The following ARHGEF40 variants were observed in gnomAD, a reference collection of about 807,000 sequenced individuals.
ARHGEF40 encodes the protein Rho guanine nucleotide exchange factor (GEF) 40.
A neutral mutation model predicts 165.9 loss-of-function variants in ARHGEF40; 98 were observed. The observed-to-expected ratio is 0.59, with a 90% confidence interval of 0.50 to 0.70. ARHGEF40 has a LOEUF of 0.70. ARHGEF40 is among the 30% of genes least tolerant of loss of function. The pLI, the probability that ARHGEF40 is intolerant of heterozygous loss-of-function variation, is 0.00. For synonymous variants in ARHGEF40, 792 were observed against 814.3 expected (o/e 0.97, Z 0.47); for missense variants, 1,815 against 1,968.0 (o/e 0.92, Z 1.47).
chr14:21,078,511 G>A, intron 10 of ARHGEF40, 23 bp downstream of exon 10: 2 of 1,538,638 alleles, frequency 1.3e-6, no homozygotes, highest in Non-Finnish European at 1.8e-6. Context: ...GGTGTGCGGA[G>A]GCAGGTGGAA....
chr14:21,082,091 C>G lies in ARHGEF40; in HGVS notation c.3223C>G (p.Pro1075Ala), dbSNP rs1311459544. Reference sequence around the variant, plus strand: ...AGACGGACCCTGGGGAGTAGGCACCCCCCGGATGGAGCGCAAGCGAAGCAT... The same window carrying G: ...AGACGGACCCTGGGGAGTAGGCACCGCCCGGATGGAGCGCAAGCGAAGCAT... Reference protein sequence around the residue: ...GPDGPWGVGTPRMERKRSISA... With the variant: ...GPDGPWGVGTARMERKRSISA... The change falls in exon 14 of 24, where the codon CCC becomes GCC. Residue 1075 changes from proline to alanine, a missense_variant. Transcript: ENST00000298694. 17 of 1,561,562 alleles carry G rather than the reference C, an allele frequency of 1.1e-5. No individual in the cohort carries two copies. Among genetic ancestry groups the G allele is most frequent in the Non-Finnish European group, 1.5e-5 (17 of 1,152,952 alleles).
chr14:21,068,499 G>A (rs1277243657), upstream of ARHGEF40, among the ~76,000 whole-genome samples: 1 of 152,090 alleles, frequency 6.6e-6, no homozygotes, highest in Non-Finnish European at 1.5e-5. Flanking sequence ...GGTGAGGAAA[G>A]GTTCAGACAC....
In ARHGEF40 at chr14:21,088,073, G is replaced by A. The variant is rs114938147; in HGVS notation, c.4493G>A (p.Arg1498Gln). ...PGSSTPTLAS[R>Q]GILGLSRQSH... ...AGCAGCACTCCCACCCTGGCCAGTC[G>A]AGGGATCTTAGGGCTATCCCGACAG... The change falls in exon 22 of 24, where the codon CGA becomes CAA. Residue 1498 changes from arginine to glutamine, a missense_variant. By Grantham distance (43) the Arg-to-Gln change is conservative (BLOSUM62 1). Transcript: ENST00000298694. 9.9e-5 allele frequency: 159 copies of A among 1,613,504 alleles called. No homozygotes were observed. The African/African-American group carries it at 1.5e-3, about 15-fold the overall frequency.
chr14:21,082,152 G>A lies in ARHGEF40; in HGVS notation c.3251+33G>A, dbSNP rs114506269. The A allele has an allele frequency of 3.3e-4, 510 of 1,561,460 alleles. 2 individuals carry two copies. In the African/African-American group the frequency reaches 6.1e-3, roughly 19 times the overall value. On this transcript the variant is annotated intron_variant, in intron 14 of 23. Transcript: ENST00000298694. ...CCCAGCCCAACTGGTGCTAAGAGGCGGAGCCAACTGCCCAGTAGGAAAAGA... is the reference window on the plus strand; with the variant it reads ...CCCAGCCCAACTGGTGCTAAGAGGCAGAGCCAACTGCCCAGTAGGAAAAGA...
chr14:21,089,153 G>C lies in ARHGEF40; in HGVS notation c.*145G>C. ...ACACAGAGGAGGTCTAACGACCAGA[G>C]TATTGCCCTGCCACCACTATCTCTA... On this transcript the variant is annotated 3_prime_UTR_variant, in exon 24 of 24. Coordinates refer to ENST00000298694, the MANE Select transcript of ARHGEF40 (RefSeq NM_018071.5). The C allele has an allele frequency of 2.4e-6, 1 of 408,718 alleles. No homozygotes were observed. The highest frequency in any genetic ancestry group is 4.4e-6 in the Non-Finnish European group (1 of 228,018). 25.3% of individuals were successfully genotyped at this position (408,718 alleles called of 1,614,324 possible). A position where few individuals can be genotyped will look rare whatever the true frequency, so the allele number is the denominator to read the frequency against.
chr14:21,081,817 C>G lies in ARHGEF40; in HGVS notation c.2949C>G (p.Arg983=), dbSNP rs1213731240. The change falls in exon 14 of 24, where the codon CGC becomes CGG. Residue 983 remains arginine (R), a synonymous_variant. Transcript: ENST00000298694. ...ASSGGAQWGP[R]SPSPSLSSLL... The stretch of plus-strand genomic sequence containing the variant: ...GTGGAGGGGCCCAGTGGGGGCCCCG[C>G]AGCCCCTCGCCCAGCCTCAGCTCCT... 2.5e-6 allele frequency: 4 copies of G among 1,605,242 alleles called. No homozygotes were observed. The East Asian group carries it at 9.0e-5, about 36-fold the overall frequency.
rs1341285878 is a variant in ARHGEF40 at position 21,075,614 on chromosome 14, C to A, written c.1619-31C>A. The A allele has an allele frequency of 1.9e-6, 3 of 1,613,836 alleles. No individual in the cohort carries two copies. In the African/African-American group the frequency reaches 4.0e-5, roughly 22 times the overall value. On this transcript the variant is annotated intron_variant, in intron 4 of 23. Transcript: ENST00000298694. The surrounding 1 kb of genome is among the most constrained non-coding windows in gnomAD (Gnocchi z 4.5). Reference sequence around the variant, plus strand: ...GGAGGTAGGCATGGACTGCTCCCAGCCAGGACAGCCTGGCCATTTTGTGTC... The same window carrying A: ...GGAGGTAGGCATGGACTGCTCCCAGACAGGACAGCCTGGCCATTTTGTGTC...
At chr14:21,088,227 AGTCTGG>A in intron 22 of ARHGEF40, 129 bp downstream of exon 22, 2 of 1,202,114 alleles carry the variant, frequency 1.7e-6, no homozygotes, top group Non-Finnish European at 2.3e-6. Flanking sequence ...CTGAGGCTAC[AGTCTGG>A]ATTTATTATC....
intron 8 of ARHGEF40, among the ~76,000 whole-genome samples, chr14:21,077,279 ATT>A (rs143561266): frequency 0.04 from 4,378 of 108,368 alleles, 37 homozygotes; most frequent in South Asian, 0.084. Context: ...TAGTTTTTGT[ATT>A]TTTTTTTTTT....
upstream of ARHGEF40, among the ~76,000 whole-genome samples, chr14:21,065,648 A>G (rs1886224670): frequency 6.6e-6 from 1 of 152,242 alleles, no homozygotes; most frequent in African/African-American, 2.4e-5. Flanking sequence ...TGGCCAGGGA[A>G]GAAGACCTTT....
In ARHGEF40 at chr14:21,078,974, G is replaced by C; in HGVS notation, c.2337G>C (p.Gln779His). 1 of 1,614,106 alleles carries C rather than the reference G, an allele frequency of 6.2e-7. No individual in the cohort carries two copies. The highest frequency in any genetic ancestry group is 8.5e-7 in the Non-Finnish European group (1 of 1,179,970). The stretch of plus-strand genomic sequence containing the variant: ...GCCTCTCCAACCTGCACGTGCAGCA[G>C]CAAGAGCAGCGGCAGTGCCTGCGGC... ...LVRLSNLHVQ[Q>H]QEQRQCLRRL... is the part of the protein sequence containing the mutation. The change falls in exon 11 of 24, where the codon CAG becomes CAC. Residue 779 changes from glutamine to histidine, a missense_variant. Gln to His is a conservative substitution (Grantham distance 24, BLOSUM62 0). Transcript: ENST00000298694.
chr14:21,086,942 A>C, intron 19 of ARHGEF40, 59 bp from the exon 20 acceptor site: 1 of 1,361,052 alleles, frequency 7.3e-7, no homozygotes, highest in South Asian at 1.3e-5. Context: ...CAACCATGAC[A>C]TGCTAGGGCT....
Position 21,070,986 on chromosome 14 carries a change from T to G in ARHGEF40, c.3+587T>G, listed in dbSNP as rs1446344216. Reference sequence around the variant, plus strand: ...GAGAAAAAGAGCTGCCTCAGGATAGTTGGGGGTGCTTGGGGGGGAGCTCAC... The same window carrying G: ...GAGAAAAAGAGCTGCCTCAGGATAGGTGGGGGTGCTTGGGGGGGAGCTCAC... On this transcript the variant is annotated intron_variant, in intron 1 of 23. Coordinates refer to ENST00000298694, the MANE Select transcript of ARHGEF40 (RefSeq NM_018071.5). This position sits in a 1 kb window ranked among gnomAD's most constrained non-coding sequence, Gnocchi z 4.7. 1 of 860,640 alleles carries G rather than the reference T, an allele frequency of 1.2e-6. No individual in the cohort carries two copies. Among genetic ancestry groups the G allele is most frequent in the African/African-American group, 1.7e-5 (1 of 59,216 alleles). 53.3% of individuals were successfully genotyped at this position (860,640 alleles called of 1,614,324 possible).
chr14:21,082,761 GA>G (rs1888024789), intron 15 of ARHGEF40, 69 bp from the exon 16 acceptor site: 1 of 1,492,028 alleles, frequency 6.7e-7, no homozygotes, highest in African/African-American at 1.4e-5. Flanking sequence ...AGAGGATAGA[GA>G]GGGGGAAGAG....
chr14:21,075,551 T>C lies in ARHGEF40; in HGVS notation c.1618+52T>C, dbSNP rs187300643. On this transcript the variant is annotated intron_variant, in intron 4 of 23. Coordinates refer to ENST00000298694, the MANE Select transcript of ARHGEF40 (RefSeq NM_018071.5). The surrounding 1 kb of genome is among the most constrained non-coding windows in gnomAD (Gnocchi z 4.5). The stretch of plus-strand genomic sequence containing the variant: ...AAACAGGACTGGGAAAGAGAAGCAA[T>C]TGGGTGGGCTTGGGGACTGGGGGAG... 1.0e-4 allele frequency: 162 copies of C among 1,613,774 alleles called. 2 individuals carry two copies. In the African/African-American group the frequency reaches 1.9e-3, roughly 19 times the overall value.
At position 21,090,211 on chromosome 14, in the gene ARHGEF40, T is replaced by G; in HGVS notation, c.*1203T>G. On this transcript the variant is annotated 3_prime_UTR_variant, in exon 24 of 24. Coordinates refer to ENST00000298694, the MANE Select transcript of ARHGEF40 (RefSeq NM_018071.5). The surrounding 1 kb of genome is among the most constrained non-coding windows in gnomAD (Gnocchi z 4.4). ...TACAGTGCCCCCCACCCTCACCCCT[T>G]GTACAAAAATAAACTCTCACGCCTA... 5.3e-6 allele frequency: 3 copies of G among 566,470 alleles called. No individual in the cohort carries two copies. The highest frequency in any genetic ancestry group is 6.7e-6 in the Non-Finnish European group (2 of 297,668). 35.1% of individuals were successfully genotyped at this position (566,470 alleles called of 1,614,324 possible).
At chr14:21,079,400 G>A (rs1165302282) in intron 11 of ARHGEF40, among the ~76,000 whole-genome samples, 6 of 152,052 alleles carry the variant, frequency 3.9e-5, no homozygotes, top group Admixed American at 6.5e-5. Flanking sequence ...CTCCTTATGC[G>A]ATGTCATCCC....
Position 21,081,675 on chromosome 14 carries a change from G to C in ARHGEF40, c.2807G>C (p.Arg936Pro). The C allele has an allele frequency of 1.3e-6, 2 of 1,596,764 alleles. No individual in the cohort carries two copies. The highest frequency in any genetic ancestry group is 1.7e-6 in the Non-Finnish European group (2 of 1,172,142). ...GACCTGGGCAGCCCAGCAGCCCTGC[G>C]AGAATGGGGCCGCTGCCAGGCCCGC... ...ALDLGSPAALREWGRCQARCQ... is the reference protein window; with the variant it reads ...ALDLGSPAALPEWGRCQARCQ... The change falls in exon 14 of 24, where the codon CGA becomes CCA. Residue 936 changes from arginine to proline, a missense_variant. Coordinates refer to ENST00000298694, the MANE Select transcript of ARHGEF40 (RefSeq NM_018071.5).
intron 8 of ARHGEF40, among the ~76,000 whole-genome samples, chr14:21,077,379 G>A (rs1034746255): frequency 3.5e-5 from 5 of 142,882 alleles, no homozygotes; most frequent in African/African-American, 1.0e-4. Flanking sequence ...TCAGCCTCCC[G>A]AAGTGCTAAG....
Sources: allele counts gnomAD v4.1 joint callset (sites outside exome capture counted in the v4.1 genomes callset), GRCh38; gene constraint gnomAD v4.1.1; non-coding constraint Gnocchi (gnomAD v3.1); transcripts MANE v1.5; gene names NCBI Gene and HGNC (gene_info 2026-07-23, HGNC 2026-07-21).